PHF24: variants seen among roughly 807,000 people sequenced by gnomAD.
The protein encoded by PHF24 is Galpha inhibitory interacting protein.
In PHF24, 25 loss-of-function variants were observed where a neutral mutation model predicts 42.6. The observed-to-expected ratio is 0.59, with a 90% confidence interval of 0.43 to 0.82. PHF24 has a LOEUF of 0.82. PHF24 is among the 40% of genes least tolerant of loss of function. PHF24 has a pLI of 0.00. For missense variants in PHF24, 470 were observed against 538.1 expected, an observed-to-expected ratio of 0.87 and a Z score of 1.25; for synonymous variants, 185 against 204.8, an observed-to-expected ratio of 0.90 and a Z score of 0.83.
the PHF24 span, chr9:34,835,173 A>G: frequency 6.5e-4 from 1,007 of 1,550,222 alleles, 1 homozygote; most frequent in Admixed American, 1.6e-3. Flanking sequence ...ATTGTGGACC[A>G]TTCAGAAACC....
chr9:34,757,438 G>A, the PHF24 span, among the ~76,000 whole-genome samples: 15 of 151,972 alleles, frequency 9.9e-5, no homozygotes, highest in African/African-American at 3.1e-4. Context: ...TATAGTTTGG[G>A]GTTTTCTATG....
At chr9:34,875,907 TACACACACACAC>T in the PHF24 span, among the ~76,000 whole-genome samples, 108 of 116,130 alleles carry the variant, frequency 9.3e-4, no homozygotes, top group Middle Eastern at 4.3e-3. Context: ...CTCTCTCTCT[TACACACACACAC>T]ACACACACAC....
At chr9:34,917,409 A>T in the PHF24 span, 264 of 769,182 alleles carry the variant, frequency 3.4e-4, 3 homozygotes, top group Middle Eastern at 1.6e-3. Flanking sequence ...AGTGACATGT[A>T]TCTCGTTCCT....
chr9:34,763,727 A>C, the PHF24 span, among the ~76,000 whole-genome samples: 2 of 151,954 alleles, frequency 1.3e-5, no homozygotes, highest in Admixed American at 1.3e-4. Flanking sequence ...AGAACTTCCA[A>C]CACTATGTTG....
chr9:34,959,027 TC>T (rs1268115006), intron 1 of PHF24, among the ~76,000 whole-genome samples: 16 of 152,222 alleles, frequency 1.1e-4, no homozygotes, highest in African/African-American at 3.9e-4. Context: ...GCAGCCTCTT[TC>T]CATTCCTCCT....
chr9:34,676,132 C>G, the PHF24 span, among the ~76,000 whole-genome samples: 9 of 152,126 alleles, frequency 5.9e-5, no homozygotes, highest in Admixed American at 3.9e-4. Flanking sequence ...GATGGCCAAG[C>G]CCAGATGTTG....
the PHF24 span, among the ~76,000 whole-genome samples, chr9:34,903,168 T>C: frequency 1.3e-5 from 2 of 152,156 alleles, no homozygotes; most frequent in African/African-American, 4.8e-5. Context: ...GATTCTAAAC[T>C]CCACTAAGGT....
At chr9:34,756,764 T>A in the PHF24 span, among the ~76,000 whole-genome samples, 1 of 152,164 alleles carries the variant, frequency 6.6e-6, no homozygotes, top group Non-Finnish European at 1.5e-5. Flanking sequence ...TCATTGGTAT[T>A]TTCATAGGGA....
the PHF24 span, among the ~76,000 whole-genome samples, chr9:34,743,304 G>C: frequency 1.3e-5 from 2 of 152,356 alleles, no homozygotes; most frequent in South Asian, 2.1e-4. Flanking sequence ...TTTAGGTGAG[G>C]ACCAGTTTTC....
the PHF24 span, among the ~76,000 whole-genome samples, chr9:34,713,390 C>A: frequency 6.6e-6 from 1 of 152,160 alleles, no homozygotes; most frequent in African/African-American, 2.4e-5. Context: ...TCAGTGACCA[C>A]CCAGCTACTT....
the PHF24 span, chr9:34,709,555 C>T: frequency 6.2e-7 from 1 of 1,614,186 alleles, no homozygotes; most frequent in South Asian, 1.1e-5. Context: ...GCCCCCCTGT[C>T]CTTCCTGCAG....
chr9:34,780,475 G>C, the PHF24 span, among the ~76,000 whole-genome samples: 1 of 151,206 alleles, frequency 6.6e-6, no homozygotes, highest in Non-Finnish European at 1.5e-5. Context: ...TGTAGAGAAG[G>C]GGTTTCACCA....
At chr9:34,782,533 G>C in the PHF24 span, among the ~76,000 whole-genome samples, 14 of 152,148 alleles carry the variant, frequency 9.2e-5, no homozygotes, top group Non-Finnish European at 1.9e-4. Flanking sequence ...GATCCAATCT[G>C]CCTTCCAGTC....
chr9:34,950,077 T>G, the PHF24 span, among the ~76,000 whole-genome samples: 1 of 151,124 alleles, frequency 6.6e-6, no homozygotes, highest in East Asian at 1.9e-4. Context: ...ACATGAAAAA[T>G]AAAATTTATA....
chr9:34,825,519 G>T, the PHF24 span, among the ~76,000 whole-genome samples: 1 of 151,842 alleles, frequency 6.6e-6, no homozygotes, highest in Admixed American at 6.6e-5. Flanking sequence ...TCTGTAAGAT[G>T]GGCTGTCTGT....
the PHF24 span, among the ~76,000 whole-genome samples, chr9:34,934,542 A>G: frequency 8.9e-6 from 1 of 112,580 alleles, no homozygotes; most frequent in African/African-American, 3.6e-5. Flanking sequence ...CCCCCTTCCT[A>G]CTCTCAGCAA....
the PHF24 span, among the ~76,000 whole-genome samples, chr9:34,749,375 A>G: frequency 6.6e-6 from 1 of 152,182 alleles, no homozygotes. Flanking sequence ...AATACCAAGC[A>G]AATTTAACCC....
At chr9:34,816,822 G>A in the PHF24 span, among the ~76,000 whole-genome samples, 1 of 152,230 alleles carries the variant, frequency 6.6e-6, no homozygotes, top group South Asian at 2.1e-4. Flanking sequence ...ACTATCCATC[G>A]CTAGACCTCC....
At chr9:34,670,131 C>A in the PHF24 span, among the ~76,000 whole-genome samples, 21,225 of 152,192 alleles carry the variant, frequency 0.14, 1,586 homozygotes, top group Admixed American at 0.19. Flanking sequence ...CTGAGAGAAG[C>A]TCTGCATTTG....
Sources: allele counts gnomAD v4.1 joint callset (sites outside exome capture counted in the v4.1 genomes callset), GRCh38; gene constraint gnomAD v4.1.1; transcripts MANE v1.5; gene names NCBI Gene and HGNC (gene_info 2026-07-23, HGNC 2026-07-21).